APBA1: variants seen among roughly 807,000 people sequenced by gnomAD.
APBA1 encodes amyloid-beta A4 precursor protein-binding family A member 1.
In APBA1, 55 loss-of-function variants were observed where a neutral mutation model predicts 86.6. That is an observed-to-expected ratio of 0.64 (90% CI 0.51 to 0.80). APBA1 has a LOEUF of 0.80. APBA1 is among the 30% of genes least tolerant of loss of function. APBA1 has a pLI of 0.00. For missense variants in APBA1, 1,090 were observed against 1,183.0 expected, an observed-to-expected ratio of 0.92 and a Z score of 1.15; for synonymous variants, 511 against 493.9, an observed-to-expected ratio of 1.03 and a Z score of -0.46.
Position 69,581,385 on chromosome 9 carries a change from A to C in APBA1, c.-69-64106T>G, listed in dbSNP as rs948422987. On this transcript the variant is annotated intron_variant, in intron 1 of 12. Transcript: ENST00000265381. ...ATATTAGCTCACTACATTTCTCTGA[A>C]GGTAGAAAAAAAAAGAAGTTCTGCC... Among the ~76,000 whole-genome samples the C allele has an allele frequency of 1.8e-3, 29 of 16,068 alleles. 1 individual carries two copies. The highest frequency in any genetic ancestry group is 7.2e-3 in the Non-Finnish European group (11 of 1,534). The allele number at this position is 16,068 out of a possible 152,430, so 10.5% of individuals were successfully genotyped here. A position where few individuals can be genotyped will look rare whatever the true frequency, so the allele number is the denominator to read the frequency against.
intron 2 of APBA1, among the ~76,000 whole-genome samples, chr9:69,500,614 C>T (rs150718015): frequency 6.6e-6 from 1 of 152,230 alleles, no homozygotes; most frequent in African/African-American, 2.4e-5. Flanking sequence ...CAGGTTAACT[C>T]ACGCAAGAAA....
intron 1 of APBA1, among the ~76,000 whole-genome samples, chr9:69,523,487 ATATATATATG>A (rs60779254): frequency 0.042 from 579 of 13,800 alleles, 2 homozygotes; most frequent in East Asian, 0.073. Flanking sequence ...GTATATATAT[ATATATATATG>A]TATATATATA....
intron 1 of APBA1, among the ~76,000 whole-genome samples, chr9:69,668,958 C>G (rs1459322676): frequency 6.6e-6 from 1 of 152,288 alleles, no homozygotes; most frequent in Admixed American, 6.5e-5. Context: ...AGGAATACTG[C>G]TTTTTCAGCA....
chr9:69,567,911 G>A (rs955467087), intron 1 of APBA1, among the ~76,000 whole-genome samples: 1 of 152,110 alleles, frequency 6.6e-6, no homozygotes, highest in African/African-American at 2.4e-5. Flanking sequence ...ATGATGAGGT[G>A]GGAGAAATGA....
intron 1 of APBA1, among the ~76,000 whole-genome samples, chr9:69,571,900 A>G (rs886685080): frequency 1.3e-5 from 2 of 152,128 alleles, no homozygotes; most frequent in African/African-American, 2.4e-5. Context: ...ACCTCTGCCG[A>G]CTGCTGCAAT....
At chr9:69,586,026 C>T (rs1181853125) in intron 1 of APBA1, among the ~76,000 whole-genome samples, 1 of 152,118 alleles carries the variant, frequency 6.6e-6, no homozygotes, top group Non-Finnish European at 1.5e-5. Flanking sequence ...GTTGCAATGA[C>T]CAATTGTCTG....
At chr9:69,456,563 T>C (rs564578727) in intron 7 of APBA1, 131 bp from the exon 8 acceptor site, 29 of 929,268 alleles carry the variant, frequency 3.1e-5, no homozygotes, top group African/African-American at 3.0e-4. Flanking sequence ...GCAAAGCCCA[T>C]GCTGAGGGAT....
rs140558500 is a variant in APBA1 at position 69,615,550 on chromosome 9, G to A, written c.-70+56603C>T. On this transcript the variant is annotated intron_variant, in intron 1 of 12. Transcript: ENST00000265381. ...TGCCATTTCATGATAGAAACCATAG[G>A]TAAAATCTGAAGTATGCCTTGATCT... 5.0e-3 allele frequency among the ~76,000 whole-genome samples: 766 copies of A among 152,276 alleles called. 3 individuals are homozygous for A. The highest frequency in any genetic ancestry group is 0.017 in the African/African-American group (709 of 41,554).
At chr9:69,443,007 C>T (rs575140839) in intron 10 of APBA1, among the ~76,000 whole-genome samples, 3 of 152,294 alleles carry the variant, frequency 2.0e-5, no homozygotes, top group East Asian at 3.9e-4. Context: ...GACCTATACC[C>T]CTTTTGTATC....
intron 4 of APBA1, 64 bp from the exon 5 acceptor site, chr9:69,468,032 G>T: frequency 6.3e-7 from 1 of 1,577,374 alleles, no homozygotes; most frequent in Non-Finnish European, 8.6e-7. Flanking sequence ...CCCCCTCAAT[G>T]GCACATCTCC....
chr9:69,501,842 G>A (rs753132368), intron 2 of APBA1, among the ~76,000 whole-genome samples: 2 of 151,968 alleles, frequency 1.3e-5, no homozygotes, highest in African/African-American at 2.4e-5. Flanking sequence ...GTGCATAGTC[G>A]GGGCAGAGGA....
intron 1 of APBA1, among the ~76,000 whole-genome samples, chr9:69,588,953 A>G (rs995374549): frequency 2.6e-5 from 4 of 151,754 alleles, no homozygotes; most frequent in African/African-American, 9.7e-5. Context: ...GTATCTTCTC[A>G]TGCTTTTTTG....
At chr9:69,646,431 A>C (rs1396510522) in intron 1 of APBA1, among the ~76,000 whole-genome samples, 1 of 152,096 alleles carries the variant, frequency 6.6e-6, no homozygotes, top group Non-Finnish European at 1.5e-5. Flanking sequence ...GCATTTTAGG[A>C]GCAACTTCCT....
At chr9:69,444,950 C>T (rs1283361726) in intron 10 of APBA1, among the ~76,000 whole-genome samples, 1 of 152,156 alleles carries the variant, frequency 6.6e-6, no homozygotes, top group African/African-American at 2.4e-5. Flanking sequence ...AATCACACAC[C>T]AGGAGACCAG....
At chr9:69,450,646 CA>C (rs1834991502) in intron 9 of APBA1, among the ~76,000 whole-genome samples, 1 of 152,086 alleles carries the variant, frequency 6.6e-6, no homozygotes. Flanking sequence ...TGTGTCCCCC[CA>C]AAATTTGTAT....
At chr9:69,502,625 C>G (rs1181737933) in intron 2 of APBA1, among the ~76,000 whole-genome samples, 1 of 152,076 alleles carries the variant, frequency 6.6e-6, no homozygotes, top group African/African-American at 2.4e-5. Context: ...TCTCCACTGA[C>G]AGAAATGACA....
chr9:69,544,083 A>G (rs1295604826), intron 1 of APBA1, among the ~76,000 whole-genome samples: 4 of 152,196 alleles, frequency 2.6e-5, no homozygotes, highest in African/African-American at 7.2e-5. Context: ...GCGTAGTAAT[A>G]CTACCTTCTA....
At chr9:69,628,339 TG>T (rs1420916715) in intron 1 of APBA1, among the ~76,000 whole-genome samples, 1 of 152,124 alleles carries the variant, frequency 6.6e-6, no homozygotes, top group East Asian at 1.9e-4. Context: ...CCATGGAAAC[TG>T]TGAGATAAAG....
chr9:69,581,444 A>C (rs1354218744), intron 1 of APBA1, among the ~76,000 whole-genome samples: 1 of 152,176 alleles, frequency 6.6e-6, no homozygotes, highest in Admixed American at 6.5e-5. Context: ...CAAGGGGATA[A>C]ATTATTTTGT....
Sources: allele counts gnomAD v4.1 joint callset (sites outside exome capture counted in the v4.1 genomes callset), GRCh38; gene constraint gnomAD v4.1.1; transcripts MANE v1.5; gene names NCBI Gene and HGNC (gene_info 2026-07-23, HGNC 2026-07-21).